The following MTRF1 variants were observed in gnomAD, a reference collection of about 807,000 sequenced individuals.
MTRF1 encodes the protein peptide chain release factor 1, mitochondrial.
A neutral mutation model predicts 62.9 loss-of-function variants in MTRF1; 51 were observed. The observed-to-expected ratio is 0.81, with a 90% CI of 0.65 to 1.02. MTRF1 has a LOEUF of 1.02. Ranked by LOEUF, MTRF1 falls within the 50% of genes least tolerant of loss-of-function variation. MTRF1 has a pLI of 0.00. For synonymous variants in MTRF1, 158 were observed against 181.9 expected (o/e 0.87, Z 1.06); for missense variants, 446 against 530.0 (o/e 0.84, Z 1.56).
the MTRF1 span, among the ~76,000 whole-genome samples, chr13:41,292,337 C>A: frequency 6.6e-6 from 1 of 152,116 alleles, no homozygotes; most frequent in South Asian, 2.1e-4. Flanking sequence ...GTAATCCCAG[C>A]ACTTTGGGAG....
At chr13:41,247,693 G>C (rs1368430863) in intron 5 of MTRF1, among the ~76,000 whole-genome samples, 1 of 152,116 alleles carries the variant, frequency 6.6e-6, no homozygotes, top group African/African-American at 2.4e-5. Flanking sequence ...GGCAGTTCTG[G>C]TGGCTTCCGC....
intron 8 of MTRF1, 91 bp downstream of exon 8, chr13:41,226,341 T>C: frequency 7.6e-7 from 1 of 1,311,732 alleles, no homozygotes; most frequent in Non-Finnish European, 1.1e-6. Flanking sequence ...TCTAAAACAT[T>C]CCCATTTAAG....
the MTRF1 span, among the ~76,000 whole-genome samples, chr13:41,299,446 T>C: frequency 6.6e-6 from 1 of 152,150 alleles, no homozygotes; most frequent in African/African-American, 2.4e-5. Flanking sequence ...AGTTACCTCA[T>C]TTTGGCCATT....
At position 41,226,492 on chromosome 13, in the gene MTRF1, T is replaced by A. The variant is rs2034454286; in HGVS notation, c.1065A>T (p.Arg355Ser). The change falls in exon 8 of 10, where the codon AGA becomes AGT. Residue 355 changes from arginine (R) to serine (S), a missense_variant. Physicochemically the swap from Arg to Ser is moderately radical, Grantham distance 110. Transcript: ENST00000379480. ...CTTTCTCAATAATCTGCTGGTAGAG[T>A]CTAGCTCTCAACACACGAAAGGCTA... ...KEIAFRVLRA[R>S]LYQQIIEKDK... 6.2e-7 allele frequency: 1 copy of A among 1,613,850 alleles called. No homozygotes were observed. Among genetic ancestry groups the A allele is most frequent in the African/African-American group, 1.3e-5 (1 of 74,922 alleles).
At chr13:41,296,745 T>G in the MTRF1 span, among the ~76,000 whole-genome samples, 1 of 152,094 alleles carries the variant, frequency 6.6e-6, no homozygotes, top group Non-Finnish European at 1.5e-5. Flanking sequence ...GTTATTAATT[T>G]AAATATTCTA....
the MTRF1 span, among the ~76,000 whole-genome samples, chr13:41,291,546 T>C: frequency 6.6e-6 from 1 of 152,114 alleles, no homozygotes; most frequent in African/African-American, 2.4e-5. Flanking sequence ...TGCTTCTCCC[T>C]ATCCTTCTGG....
intron 8 of MTRF1, among the ~76,000 whole-genome samples, chr13:41,225,227 A>C (rs111428245): frequency 6.6e-6 from 1 of 151,532 alleles, no homozygotes; most frequent in African/African-American, 2.4e-5. Context: ...AAAAAAAAAA[A>C]ACTTTGTGCA....
At chr13:41,258,086 G>A (rs564571185) in intron 2 of MTRF1, among the ~76,000 whole-genome samples, 1 of 152,148 alleles carries the variant, frequency 6.6e-6, no homozygotes, top group South Asian at 2.1e-4. Context: ...CTATACACAA[G>A]CAACCTTCTC....
At chr13:41,311,433 T>C in the MTRF1 span, 7 of 1,213,104 alleles carry the variant, frequency 5.8e-6, no homozygotes, top group Non-Finnish European at 8.3e-6. Flanking sequence ...GCAGCCCGAC[T>C]CTCAGCAGCG....
the MTRF1 span, among the ~76,000 whole-genome samples, chr13:41,296,588 A>G: frequency 6.6e-6 from 1 of 152,184 alleles, no homozygotes; most frequent in African/African-American, 2.4e-5. Flanking sequence ...TAACAATAAT[A>G]TTAGATCTTC....
chr13:41,276,427 C>A, the MTRF1 span, among the ~76,000 whole-genome samples: 2 of 152,172 alleles, frequency 1.3e-5, no homozygotes, highest in East Asian at 3.8e-4. Context: ...CTGCCTTGGC[C>A]TCCTAAAGTG....
At chr13:41,254,849 T>C (rs920705438) in intron 2 of MTRF1, among the ~76,000 whole-genome samples, 10 of 151,586 alleles carry the variant, frequency 6.6e-5, no homozygotes, top group African/African-American at 2.4e-4. Context: ...CAAAACCTTG[T>C]GTTTTTTTTT....
chr13:41,291,690 G>T, the MTRF1 span, among the ~76,000 whole-genome samples: 6 of 152,004 alleles, frequency 3.9e-5, no homozygotes, highest in Admixed American at 3.3e-4. Context: ...AGAGGGAAAG[G>T]TATTTAAATG....
At chr13:41,312,005 G>A in the MTRF1 span, among the ~76,000 whole-genome samples, 1 of 152,184 alleles carries the variant, frequency 6.6e-6, no homozygotes, top group African/African-American at 2.4e-5. Context: ...TCTCTGCTTT[G>A]CGTTTAGTTA....
intron 2 of MTRF1, among the ~76,000 whole-genome samples, chr13:41,259,284 G>C (rs772526176): frequency 1.3e-5 from 2 of 152,116 alleles, no homozygotes; most frequent in Non-Finnish European, 2.9e-5. Context: ...GTACACAAAA[G>C]TTCACAGTAT....
the MTRF1 span, among the ~76,000 whole-genome samples, chr13:41,302,183 C>T: frequency 6.5e-3 from 985 of 152,168 alleles, 9 homozygotes; most frequent in Non-Finnish European, 9.9e-3. Context: ...CCCACCACCA[C>T]CATGTCTGGC....
chr13:41,217,339 T>C, intron 9 of MTRF1, 111 bp from the exon 10 acceptor site: 1 of 606,948 alleles, frequency 1.6e-6, no homozygotes, highest in Non-Finnish European at 2.9e-6. Flanking sequence ...CAATAAAGGA[T>C]TACTAATGTT....
chr13:41,234,184 TTTTG>T (rs2036087409), intron 6 of MTRF1, among the ~76,000 whole-genome samples, 177 bp from the exon 7 acceptor site: 1 of 152,170 alleles, frequency 6.6e-6, no homozygotes, highest in Non-Finnish European at 1.5e-5. Flanking sequence ...GGATGCTATT[TTTTG>T]TTTGTTTGAG....
At chr13:41,282,360 G>A in the MTRF1 span, among the ~76,000 whole-genome samples, 1 of 152,136 alleles carries the variant, frequency 6.6e-6, no homozygotes, top group Non-Finnish European at 1.5e-5. Context: ...GTGAAGCCGA[G>A]GCAGGAGGAT....
Sources: gnomAD v4.1 joint callset for allele counts (sites outside exome capture counted in the v4.1 genomes callset) on GRCh38, gnomAD v4.1.1 for gene constraint, MANE v1.5 for transcripts, NCBI Gene and HGNC (gene_info 2026-07-23, HGNC 2026-07-21) for gene names.